Variants in PCDH9 observed in about 807,000 individuals in gnomAD.
The protein encoded by PCDH9 is protocadherin-9.
In PCDH9, 24 loss-of-function variants were observed where a neutral mutation model predicts 70.6. That is an observed-to-expected ratio of 0.34 (90% CI 0.25 to 0.48). PCDH9 has a LOEUF of 0.48. PCDH9 is among the 20% of genes least tolerant of loss of function. The pLI is 0.99. For missense variants in PCDH9, 1,281 were observed against 1,503.6 expected (o/e 0.85, Z 2.45); for synonymous variants, 562 against 558.5 (o/e 1.01, Z -0.09).
intron 2 of PCDH9, among the ~76,000 whole-genome samples, chr13:66,954,263 C>G (rs576059740): frequency 1.3e-5 from 2 of 152,282 alleles, no homozygotes; most frequent in South Asian, 4.1e-4. Context: ...TGTATAAATA[C>G]ATAATTATAT....
At chr13:66,769,469 T>C (rs2079769684) in intron 3 of PCDH9, among the ~76,000 whole-genome samples, 1 of 151,216 alleles carries the variant, frequency 6.6e-6, no homozygotes, top group South Asian at 2.1e-4. Flanking sequence ...TCCGGCATCG[T>C]AGTAGCAACA....
intron 2 of PCDH9, among the ~76,000 whole-genome samples, chr13:66,932,975 A>G (rs2082841694): frequency 6.6e-6 from 1 of 151,542 alleles, no homozygotes; most frequent in Non-Finnish European, 1.5e-5. Flanking sequence ...AAGATAATTA[A>G]ATTTACTGAG....
intron 2 of PCDH9, chr13:66,996,176 A>T (rs899750814): frequency 6.6e-6 from 1 of 152,204 alleles, no homozygotes; most frequent in African/African-American, 2.4e-5. Flanking sequence ...CATTAAGAGA[A>T]TATCTTACCA....
intron 2 of PCDH9, among the ~76,000 whole-genome samples, chr13:66,997,492 C>G (rs955943378): frequency 3.5e-5 from 5 of 141,440 alleles, no homozygotes; most frequent in African/African-American, 1.3e-4. Context: ...GGCTCGTCAC[C>G]AACACTGGAG....
intron 4 of PCDH9, among the ~76,000 whole-genome samples, chr13:66,361,547 A>G (rs1334706650): frequency 1.3e-5 from 2 of 152,164 alleles, no homozygotes; most frequent in African/African-American, 2.4e-5. Context: ...GATGTCATTC[A>G]TTTGATATCT....
intron 2 of PCDH9, among the ~76,000 whole-genome samples, chr13:66,993,316 T>C (rs1409457291): frequency 6.6e-6 from 1 of 152,220 alleles, no homozygotes; most frequent in Non-Finnish European, 1.5e-5. Flanking sequence ...TTACTTGGGA[T>C]ACTGAATATG....
At chr13:67,127,952 A>G (rs563357955) in intron 2 of PCDH9, among the ~76,000 whole-genome samples, 16 of 152,104 alleles carry the variant, frequency 1.1e-4, no homozygotes, top group African/African-American at 3.6e-4. Flanking sequence ...ATGTTTTGAG[A>G]TCTCTTTGGC....
chr13:67,132,515 A>T (rs986467346), intron 2 of PCDH9, among the ~76,000 whole-genome samples: 9 of 152,206 alleles, frequency 5.9e-5, no homozygotes, highest in African/African-American at 2.2e-4. Flanking sequence ...CATTTTCACC[A>T]TGTTTAAATC....
At chr13:66,595,434 G>C (rs555624220) in intron 4 of PCDH9, among the ~76,000 whole-genome samples, 1 of 151,832 alleles carries the variant, frequency 6.6e-6, no homozygotes, top group South Asian at 2.1e-4. Context: ...TGTTTATCTT[G>C]AAAACATGGG....
intron 3 of PCDH9, among the ~76,000 whole-genome samples, chr13:66,737,899 G>A (rs2079180954): frequency 7.2e-5 from 2 of 27,656 alleles, no homozygotes; most frequent in African/African-American, 1.3e-4. Flanking sequence ...CAAACTGCAA[G>A]GCGGCAGCGA....
rs550681411 is a variant in PCDH9, at chr13:66,978,479, T to C, written c.3037-74874A>G. ...TTTACAAGTTTCTTAAAGGTACCTA[T>C]TGTGCAGATATATGTGATTAAAAAG... On this transcript the variant is annotated intron_variant, in intron 2 of 4. Transcript: ENST00000377865. 24 of 152,088 alleles carry C rather than the reference T, an allele frequency of 1.6e-4. No individual in the cohort carries two copies. The East Asian group carries it at 4.4e-3, about 28-fold the overall frequency. The allele number at this position is 152,088 out of a possible 1,614,324, so 9.4% of individuals were successfully genotyped here.
intron 4 of PCDH9, among the ~76,000 whole-genome samples, chr13:66,493,168 T>C (rs147772639): frequency 1.5e-3 from 230 of 152,334 alleles, no homozygotes; most frequent in Middle Eastern, 6.8e-3. Flanking sequence ...TACATTTACA[T>C]CTTTTTGCAG....
chr13:66,697,350 A>G (rs2078577894), intron 3 of PCDH9, among the ~76,000 whole-genome samples: 1 of 152,134 alleles, frequency 6.6e-6, no homozygotes, highest in Non-Finnish European at 1.5e-5. Flanking sequence ...AAAATTGTAG[A>G]GTAGAACAAC....
chr13:66,575,646 C>T (rs952522242), intron 4 of PCDH9, among the ~76,000 whole-genome samples: 5 of 152,082 alleles, frequency 3.3e-5, no homozygotes, highest in Admixed American at 2.6e-4. Context: ...TGTGTGGTAT[C>T]CTCTTTATCC....
At chr13:66,397,075 T>G (rs1296393885) in intron 4 of PCDH9, among the ~76,000 whole-genome samples, 1 of 152,120 alleles carries the variant, frequency 6.6e-6, no homozygotes, top group Admixed American at 6.5e-5. Context: ...TGAAATATAT[T>G]CAAGGAGTGT....
intron 2 of PCDH9, among the ~76,000 whole-genome samples, chr13:67,042,452 G>A (rs1384091487): frequency 6.6e-6 from 1 of 151,520 alleles, no homozygotes; most frequent in East Asian, 1.9e-4. Context: ...TGCCAAAGGA[G>A]AAAAAGAATA....
At position 66,595,105 on chromosome 13, in the gene PCDH9, G is replaced by A. The variant is rs1020899079; in HGVS notation, c.3340+36105C>T. ...TTTGAAAACTATATAGGCCTCTGGA[G>A]ATAGGCCTTCTGTCAGCTTAATGGC... On this transcript the variant is annotated intron_variant, in intron 4 of 4. Coordinates refer to ENST00000377865, the MANE Select transcript of PCDH9 (RefSeq NM_203487.3). Among the ~76,000 whole-genome samples the A allele has an allele frequency of 5.0e-4, 75 of 151,474 alleles. 1 individual carries two copies. The highest frequency in any genetic ancestry group is 1.8e-3 in the African/African-American group (73 of 41,390).
At chr13:66,500,029 A>T (rs1959168400) in intron 4 of PCDH9, among the ~76,000 whole-genome samples, 1 of 152,192 alleles carries the variant, frequency 6.6e-6, no homozygotes, top group Non-Finnish European at 1.5e-5. Flanking sequence ...TGAGCCAAAT[A>T]AATCTCTTTT....
chr13:66,988,874 G>A lies in PCDH9; in HGVS notation c.3037-85269C>T, dbSNP rs1044397923. ...TATCCAGAGCGTTATTACTGATTGC[G>A]ATTACAGAAGACTATGGAAAGCCAA... On this transcript the variant is annotated intron_variant, in intron 2 of 4. Coordinates refer to ENST00000377865, the MANE Select transcript of PCDH9 (RefSeq NM_203487.3). Among the ~76,000 whole-genome samples the A allele has an allele frequency of 3.9e-5, 6 of 151,928 alleles. No homozygotes were observed. The South Asian group carries it at 1.2e-3, about 31-fold the overall frequency.
Sources: allele counts gnomAD v4.1 joint callset (sites outside exome capture counted in the v4.1 genomes callset), GRCh38; gene constraint gnomAD v4.1.1; transcripts MANE v1.5; gene names NCBI Gene and HGNC (gene_info 2026-07-23, HGNC 2026-07-21).